Variants in OR3A2 observed in about 807,000 individuals in gnomAD.
OR3A2 encodes the protein olfactory receptor family 3 subfamily A member 2.
For missense variants in OR3A2, 318 were observed against 392.8 expected, an observed-to-expected ratio of 0.81 and a Z score of 1.61; for synonymous variants, 126 against 159.3, an observed-to-expected ratio of 0.79 and a Z score of 1.57.
At chr17:3,348,370 T>C (rs572928699) in intron 2 of OR3A2, among the ~76,000 whole-genome samples, 35 of 152,180 alleles carry the variant, frequency 2.3e-4, no homozygotes, top group African/African-American at 7.7e-4. Flanking sequence ...AGGGTTTTCA[T>C]GGTTTTAGAT....
intron 2 of OR3A2, among the ~76,000 whole-genome samples, chr17:3,382,382 C>A (rs1199894801): frequency 6.6e-6 from 1 of 152,144 alleles, no homozygotes; most frequent in Non-Finnish European, 1.5e-5. Flanking sequence ...TCTCTATATA[C>A]AGCTTCTGTC....
chr17:3,323,088 C>G (rs549774482), intron 3 of OR3A2, among the ~76,000 whole-genome samples: 1 of 152,236 alleles, frequency 6.6e-6, no homozygotes, highest in African/African-American at 2.4e-5. Flanking sequence ...GGATAGTTAG[C>G]TCTTCTTGTT....
In OR3A2 at chr17:3,291,781, T is replaced by C. The variant is rs199993041; in HGVS notation, c.-84-12628A>G. 32 of 1,613,666 alleles carry C rather than the reference T, an allele frequency of 2.0e-5. No individual in the cohort carries two copies. The highest frequency in any genetic ancestry group is 2.7e-5 in the Non-Finnish European group (32 of 1,179,642). ...GCTTTATCCTTGTCTGAAAGCTTGG[T>C]TGAACCCAGTCGCATATAGTTAAAG... On this transcript the variant is annotated intron_variant, in intron 3 of 4. Coordinates refer to the OR3A2 transcript ENST00000573491.
At position 3,328,704 on chromosome 17, in the gene OR3A2, T is replaced by C. The variant is rs1567556448; in HGVS notation, c.-85+7329A>G. ...ATATTGGCTGTGGGTTTGTCATAGA[T>C]AGCTCTTATTATTTTGAAATACGTC... On this transcript the variant is annotated intron_variant, in intron 3 of 4. Transcript: ENST00000573491. Among the ~76,000 whole-genome samples the C allele has an allele frequency of 1.9e-4, 28 of 147,844 alleles. No individual in the cohort carries two copies. In the South Asian group the frequency reaches 5.6e-3, roughly 30 times the overall value.
intron 3 of OR3A2, among the ~76,000 whole-genome samples, chr17:3,329,006 A>G (rs2049203926): frequency 6.6e-6 from 1 of 150,756 alleles, no homozygotes; most frequent in African/African-American, 2.5e-5. Context: ...TATATGCTGG[A>G]TTACATTTAT....
chr17:3,322,825 T>G (rs1277854200), intron 3 of OR3A2, among the ~76,000 whole-genome samples: 3 of 152,092 alleles, frequency 2.0e-5, no homozygotes, highest in Non-Finnish European at 2.9e-5. Context: ...GTGTGGTGTG[T>G]TTCTGAAAAG....
intron 2 of OR3A2, among the ~76,000 whole-genome samples, chr17:3,355,454 CTCTCTCTT>C (rs1473070233): frequency 8.1e-5 from 9 of 111,288 alleles, no homozygotes; most frequent in South Asian, 5.3e-4. Context: ...CTCTCTCTCT[CTCTCTCTT>C]TAGCTCTAAT....
intron 3 of OR3A2, among the ~76,000 whole-genome samples, chr17:3,330,138 G>C (rs577740161): frequency 1.5e-3 from 216 of 148,720 alleles, no homozygotes; most frequent in Non-Finnish European, 2.1e-3. Flanking sequence ...CCAAGTATGT[G>C]GTCAATTTTG....
intron 3 of OR3A2, among the ~76,000 whole-genome samples, chr17:3,323,157 A>G (rs1215580274): frequency 2.0e-5 from 3 of 151,994 alleles, no homozygotes; most frequent in Non-Finnish European, 4.4e-5. Context: ...TGTTGGTTTA[A>G]AGTCTGTTTT....
intron 1 of OR3A2, among the ~76,000 whole-genome samples, chr17:3,283,704 A>T (rs149259509): frequency 6.6e-6 from 1 of 152,180 alleles, no homozygotes; most frequent in Non-Finnish European, 1.5e-5. Flanking sequence ...CCTCTGTGTT[A>T]ACAGGACAAG....
At chr17:3,371,122 A>C (rs936369284) in intron 2 of OR3A2, among the ~76,000 whole-genome samples, 27 of 151,804 alleles carry the variant, frequency 1.8e-4, no homozygotes, top group African/African-American at 6.3e-4. Context: ...GTTCTCAATG[A>C]GCTGTTGGGT....
At chr17:3,362,436 T>C (rs879912859) in intron 2 of OR3A2, among the ~76,000 whole-genome samples, 1 of 151,760 alleles carries the variant, frequency 6.6e-6, no homozygotes, top group Non-Finnish European at 1.5e-5. Flanking sequence ...GCTCTGATCT[T>C]AGTTATTTCT....
chr17:3,337,849 T>C (rs1053374777), intron 2 of OR3A2, among the ~76,000 whole-genome samples: 6 of 152,164 alleles, frequency 3.9e-5, no homozygotes, highest in East Asian at 1.9e-4. Context: ...GGAATCGCCA[T>C]ACTGTCTTCC....
intron 2 of OR3A2, among the ~76,000 whole-genome samples, chr17:3,378,600 C>T (rs2049705523): frequency 6.6e-6 from 1 of 152,120 alleles, no homozygotes; most frequent in African/African-American, 2.4e-5. Context: ...TTCCCAGCCC[C>T]TGCCAGCTCC....
At chr17:3,285,409 C>G (rs944854391), upstream of OR3A2, among the ~76,000 whole-genome samples, 3 of 152,130 alleles carry the variant, frequency 2.0e-5, no homozygotes, top group African/African-American at 7.2e-5. Context: ...GATATCCTTC[C>G]TCACAGAGCA....
intron 3 of OR3A2, among the ~76,000 whole-genome samples, chr17:3,318,772 A>G (rs553364144): frequency 6.6e-6 from 1 of 152,276 alleles, no homozygotes; most frequent in South Asian, 2.1e-4. Context: ...GGCCACATGT[A>G]TGTGTATATT....
At chr17:3,334,597 C>G (rs1025168475) in intron 3 of OR3A2, among the ~76,000 whole-genome samples, 3 of 152,176 alleles carry the variant, frequency 2.0e-5, no homozygotes, top group Non-Finnish European at 4.4e-5. Context: ...ACTGCTCTCA[C>G]ATGTTTTCTC....
At chr17:3,371,983 C>T (rs1483775955) in intron 2 of OR3A2, among the ~76,000 whole-genome samples, 6 of 147,068 alleles carry the variant, frequency 4.1e-5, no homozygotes, top group East Asian at 4.5e-4. Context: ...CCTCACTTCC[C>T]AGACGGGGTG....
intron 3 of OR3A2, among the ~76,000 whole-genome samples, chr17:3,328,142 T>G (rs1597342546): frequency 6.9e-6 from 1 of 143,918 alleles, no homozygotes; most frequent in East Asian, 2.0e-4. Context: ...GTAAATTACC[T>G]TGCGCAGTAT....
Sources: gnomAD v4.1 joint callset for allele counts (sites outside exome capture counted in the v4.1 genomes callset) on GRCh38, gnomAD v4.1.1 for gene constraint, MANE v1.5 for transcripts, NCBI Gene and HGNC (gene_info 2026-07-23, HGNC 2026-07-21) for gene names.